The following PML variants were observed in gnomAD, a reference collection of about 807,000 sequenced individuals.
PML encodes protein PML.
In PML, 28 loss-of-function variants were observed where a neutral mutation model predicts 65.2. The observed-to-expected ratio is 0.43, with a 90% confidence interval of 0.32 to 0.59. The LOEUF is 0.59. PML is among the 20% of genes least tolerant of loss of function. PML has a pLI of 0.08. For missense variants in PML, 1,021 were observed against 1,203.4 expected (o/e 0.85, Z 2.24); for synonymous variants, 500 against 508.8 (o/e 0.98, Z 0.23).
chr15:74,022,883 A>G lies in PML; in HGVS notation c.658A>G (p.Ser220Gly), dbSNP rs1297620109. Residue 220 changes from serine to glycine, a missense_variant, in exon 3 of 9, where the codon AGC (serine) becomes GGC (glycine). Coordinates refer to ENST00000268058, the MANE Select transcript of PML (RefSeq NM_033238.3). Reference protein sequence around the residue: ...PLCCSCALLDSSHSELKCDIS... With the variant: ...PLCCSCALLDGSHSELKCDIS... ...GTGCTGCTCGTGCGCGCTCCTTGAC[A>G]GCAGCCACAGTGAGCTCAAGTGCGA... 1 of 1,613,696 alleles carries G rather than the reference A, an allele frequency of 6.2e-7. No homozygotes were observed. Among genetic ancestry groups the G allele is most frequent in the Non-Finnish European group, 8.5e-7 (1 of 1,179,910 alleles).
At chr15:74,036,109 C>G in intron 7 of PML, 1 of 1,613,030 alleles carries the variant, frequency 6.2e-7, no homozygotes, top group Non-Finnish European at 8.5e-7. Context: ...GCATGGACCT[C>G]TGGGCAGGGA....
Position 74,035,649 on chromosome 15 carries a change from C to T in PML, c.1710+1119C>T, listed in dbSNP as rs115552704. 12 of 1,613,942 alleles carry T rather than the reference C, an allele frequency of 7.4e-6. No individual in the cohort carries two copies. The highest frequency in any genetic ancestry group is 3.3e-5 in the South Asian group (3 of 91,084). On this transcript the variant is annotated intron_variant, in intron 7 of 8. Coordinates refer to ENST00000268058, the MANE Select transcript of PML (RefSeq NM_033238.3). This position sits in a 1 kb window ranked among gnomAD's most constrained non-coding sequence, Gnocchi z 4.1. ...ACCCCACCGGATACGAGGGGCTGTGCGATCCCGCAGCCGCTCCCTCCGGGG... is the reference window on the plus strand; with the variant it reads ...ACCCCACCGGATACGAGGGGCTGTGTGATCCCGCAGCCGCTCCCTCCGGGG...
chr15:74,003,998 C>T (rs1567119183), intron 2 of PML, among the ~76,000 whole-genome samples: 1 of 152,174 alleles, frequency 6.6e-6, no homozygotes, highest in Non-Finnish European at 1.5e-5. Flanking sequence ...AATATATAAA[C>T]CTTGCTTCAT....
intron 2 of PML, among the ~76,000 whole-genome samples, chr15:74,006,859 A>G (rs2070084972): frequency 6.6e-6 from 1 of 152,154 alleles, no homozygotes; most frequent in East Asian, 1.9e-4. Flanking sequence ...GGAGGAAGCA[A>G]GAGAAGGAGA....
chr15:73,997,958 G>T, intron 1 of PML, 46 bp from the exon 2 acceptor site: 1 of 1,552,892 alleles, frequency 6.4e-7, no homozygotes, highest in Non-Finnish European at 8.9e-7. Context: ...GTAGGTGGGG[G>T]CTTTTGGGAC....
chr15:74,045,489 A>C lies in PML; in HGVS notation c.*481A>C. On this transcript the variant is annotated 3_prime_UTR_variant, in exon 9 of 9. Transcript: ENST00000268058. ...CAACTCAAAGTGCCTTCCAAACCAA[A>C]CTGCCCCTCATGAGGTTAGGGTCCC... is the stretch of plus-strand genomic sequence containing the variant. 1 of 239,196 alleles carries C rather than the reference A, an allele frequency of 4.2e-6. No homozygotes were observed. The highest frequency in any genetic ancestry group is 8.2e-6 in the Non-Finnish European group (1 of 122,206). The allele number at this position is 239,196 out of a possible 1,614,324, so 14.8% of individuals were successfully genotyped here.
chr15:74,036,188 C>T, intron 7 of PML: 2 of 1,594,746 alleles, frequency 1.3e-6, no homozygotes, highest in South Asian at 1.1e-5. Flanking sequence ...CCATTCCAGG[C>T]CTCTTTGCCC....
In PML at chr15:74,043,231, A is replaced by AGAGCTCT; in HGVS notation, c.1861+101_1861+107dup. On this transcript the variant is annotated intron_variant, in intron 8 of 8. Coordinates refer to ENST00000268058, the MANE Select transcript of PML (RefSeq NM_033238.3). This position sits in a 1 kb window ranked among gnomAD's most constrained non-coding sequence, Gnocchi z 4.3. ...GGCAGAGCCATCTGCCAGGCCCAGG[A>AGAGCTCT]GAGCTCTGAGCTCTGGCCAACAACT... The AGAGCTCT allele has an allele frequency of 6.2e-7, 1 of 1,610,224 alleles. No individual in the cohort carries two copies. The highest frequency in any genetic ancestry group is 2.2e-5 in the East Asian group (1 of 44,780).
At chr15:74,032,939 C>T (rs1432973430) in intron 5 of PML, among the ~76,000 whole-genome samples, 4 of 152,352 alleles carry the variant, frequency 2.6e-5, no homozygotes, top group Middle Eastern at 3.4e-3. Context: ...CTGAGACACT[C>T]AGGGTTGTCA....
In PML at chr15:74,037,411, C is replaced by G; in HGVS notation, c.1710+2881C>G. On this transcript the variant is annotated intron_variant, in intron 7 of 8. Transcript: ENST00000268058. The surrounding 1 kb of genome is among the most constrained non-coding windows in gnomAD (Gnocchi z 4.2). ...AGCCCTTGACCCCCTGGGAGCCTCA[C>G]TCCTCCTCCTCATCTCTCTTGCATC... The G allele has an allele frequency of 1.0e-6, 1 of 984,914 alleles. No homozygotes were observed. The highest frequency in any genetic ancestry group is 1.7e-5 in the African/African-American group (1 of 57,296). The allele number at this position is 984,914 out of a possible 1,614,324, so 61.0% of individuals were successfully genotyped here.
At chr15:74,031,257 T>C (rs1321865700) in intron 4 of PML, 1 of 445,232 alleles carries the variant, frequency 2.2e-6, no homozygotes, top group Admixed American at 2.4e-5. Context: ...GTCTGGTTTC[T>C]TTTTTTAAAA....
chr15:74,044,308 C>G lies in PML; in HGVS notation c.1949C>G (p.Ser650Cys). ...CCTGAAGCCTTCTTCAGCATCTACT[C>G]CAAGGCCGTGTCCCTGGAGGTGGGG... ...IQPEAFFSIY[S>C]KAVSLEVGLQ... The change falls in exon 9 of 9, where the codon TCC (serine) becomes TGC (cysteine). Residue 650 changes from serine (S) to cysteine (C), a missense_variant. Transcript: ENST00000268058. The G allele has an allele frequency of 6.2e-7, 1 of 1,614,168 alleles. No individual in the cohort carries two copies. Among genetic ancestry groups the G allele is most frequent in the Non-Finnish European group, 8.5e-7 (1 of 1,180,016 alleles).
intron 2 of PML, 62 bp from the exon 3 acceptor site, chr15:74,022,766 G>T: frequency 7.6e-7 from 1 of 1,316,744 alleles, no homozygotes; most frequent in South Asian, 1.2e-5. Flanking sequence ...ATTTAATAAC[G>T]AACGTTTTAA....
At chr15:74,044,152 G>A in intron 8 of PML, 69 bp from the exon 9 acceptor site, 1 of 1,509,454 alleles carries the variant, frequency 6.6e-7, no homozygotes, top group Non-Finnish European at 9.2e-7. Context: ...AGCCCTAGAG[G>A]ACCCCCTGCT....
chr15:74,033,306 G>A lies in PML; in HGVS notation c.1549G>A (p.Val517Ile), dbSNP rs768725303. ...GCCCAGGCCCAGCACCTCCAAGGCA[G>A]TCTCACCACCCCACCTGGATGGACC... ...EQPRPSTSKA[V>I]SPPHLDGPPS... Residue 517 changes from valine (V) to isoleucine (I), a missense_variant, in exon 6 of 9, where the codon GTC becomes ATC. Val to Ile is a conservative substitution (Grantham distance 29). Transcript: ENST00000268058. 7 of 1,614,122 alleles carry A rather than the reference G, an allele frequency of 4.3e-6. No individual in the cohort carries two copies. The highest frequency in any genetic ancestry group is 5.1e-6 in the Non-Finnish European group (6 of 1,180,038).
At chr15:74,015,215 A>G (rs937027942) in intron 2 of PML, among the ~76,000 whole-genome samples, 2 of 152,164 alleles carry the variant, frequency 1.3e-5, no homozygotes, top group Admixed American at 6.5e-5. Flanking sequence ...ACTCTCTTCA[A>G]ATATCCCAGG....
At position 74,042,431 on chromosome 15, in the gene PML, A is replaced by G. The variant is rs1268244474; in HGVS notation, c.1711-558A>G. Reference sequence around the variant, plus strand: ...AAAAGGCAGGCTCCCGACCCCTTCCAAAGAATCATCTGGGGTTCAAGATGA... The same window carrying G: ...AAAAGGCAGGCTCCCGACCCCTTCCGAAGAATCATCTGGGGTTCAAGATGA... On this transcript the variant is annotated intron_variant, in intron 7 of 8. Coordinates refer to ENST00000268058, the MANE Select transcript of PML (RefSeq NM_033238.3). The surrounding 1 kb of genome is among the most constrained non-coding windows in gnomAD (Gnocchi z 5.3). The G allele has an allele frequency of 1.0e-6, 1 of 985,296 alleles. No homozygotes were observed. The highest frequency in any genetic ancestry group is 1.2e-6 in the Non-Finnish European group (1 of 829,924). The allele number at this position is 985,296 out of a possible 1,614,324, so 61.0% of individuals were successfully genotyped here.
chr15:74,010,508 C>A (rs1316410233), intron 2 of PML, among the ~76,000 whole-genome samples: 2 of 128,492 alleles, frequency 1.6e-5, no homozygotes, highest in African/African-American at 5.6e-5. Context: ...CAGAGCGAGG[C>A]CTTGTCTCTA....
chr15:74,044,437 A>T lies in PML; in HGVS notation c.2078A>T (p.Asp693Val). 6.2e-7 allele frequency: 1 copy of T among 1,614,136 alleles called. No individual in the cohort carries two copies. Among genetic ancestry groups the T allele is most frequent in the Non-Finnish European group, 8.5e-7 (1 of 1,180,024 alleles). ...CCAAACTTCTTCCGGGCCCTGGAGG[A>T]CATTAACAGGCTGTGGGAATTCCAG... ...GLPNFFRALE[D>V]INRLWEFQEA... Residue 693 changes from aspartate (D) to valine (V), a missense_variant, in exon 9 of 9, where the codon GAC becomes GTC. Physicochemically the swap from Asp to Val is radical, Grantham distance 152 (BLOSUM62 -3). Coordinates refer to ENST00000268058, the MANE Select transcript of PML (RefSeq NM_033238.3).
Sources: allele counts gnomAD v4.1 joint callset (sites outside exome capture counted in the v4.1 genomes callset), GRCh38; gene constraint gnomAD v4.1.1; non-coding constraint Gnocchi (gnomAD v3.1); transcripts MANE v1.5; gene names NCBI Gene and HGNC (gene_info 2026-07-23, HGNC 2026-07-21).